The following PDE11A variants were observed in gnomAD, a reference collection of about 807,000 sequenced individuals.
PDE11A encodes dual 3',5'-cyclic-AMP and -GMP phosphodiesterase 11A.
PDE11A carries 100 observed loss-of-function variants against 100.5 expected under a neutral mutation model. The ratio of observed to expected loss-of-function variants is 1.00; its 90% CI spans 0.85 to 1.18. PDE11A has a LOEUF of 1.18. Ranked by LOEUF, PDE11A falls within the 50% of genes most tolerant of loss-of-function variation. PDE11A has a pLI of 0.00. For synonymous variants in PDE11A, 381 were observed against 420.8 expected, an observed-to-expected ratio of 0.91 and a Z score of 1.16; for missense variants, 1,141 against 1,152.6, an observed-to-expected ratio of 0.99 and a Z score of 0.15.
chr2:177,982,153 T>C (rs2085891189), intron 2 of PDE11A, among the ~76,000 whole-genome samples: 1 of 150,720 alleles, frequency 6.6e-6, no homozygotes, highest in African/African-American at 2.4e-5. Flanking sequence ...ATAAATTACA[T>C]ACTTACTAAT....
chr2:178,029,837 C>T (rs1326584806), intron 1 of PDE11A, among the ~76,000 whole-genome samples: 1 of 152,110 alleles, frequency 6.6e-6, no homozygotes, highest in Non-Finnish European at 1.5e-5. Flanking sequence ...AGGGCTCTGC[C>T]CTCATGAATA....
chr2:177,790,492 G>A (rs1279593359), intron 9 of PDE11A, among the ~76,000 whole-genome samples: 2 of 151,750 alleles, frequency 1.3e-5, no homozygotes, highest in Non-Finnish European at 2.9e-5. Context: ...AGGACTTCAT[G>A]TCCAAAACAC....
intron 2 of PDE11A, among the ~76,000 whole-genome samples, chr2:177,927,902 C>T (rs981883232): frequency 2.6e-5 from 4 of 151,844 alleles, no homozygotes; most frequent in Admixed American, 6.6e-5. Context: ...GTTGGGACTT[C>T]GAGATCAGCC....
chr2:178,094,309 G>A (rs1006917454), intron 2 of PDE11A, among the ~76,000 whole-genome samples: 5 of 151,788 alleles, frequency 3.3e-5, no homozygotes, highest in South Asian at 2.1e-4. Flanking sequence ...CGGGTGGATC[G>A]CTTGAGCTCA....
chr2:178,104,380 G>C, exon 2 of PDE11A: 2 of 1,613,990 alleles, frequency 1.2e-6, no homozygotes, highest in African/African-American at 1.3e-5. Context: ...CAGAGATTTG[G>C]ACCAGTCTTG....
chr2:177,683,322 T>C (rs575237961), intron 15 of PDE11A: 2 of 152,426 alleles, frequency 1.3e-5, no homozygotes, highest in East Asian at 3.9e-4. Context: ...ATAACCCAAT[T>C]ACACAGAAGG....
At chr2:177,747,131 A>C (rs542006387) in intron 10 of PDE11A, among the ~76,000 whole-genome samples, 1 of 152,300 alleles carries the variant, frequency 6.6e-6, no homozygotes, top group South Asian at 2.1e-4. Context: ...AGTCCTGGGG[A>C]AACACTGACC....
Position 177,795,934 on chromosome 2 carries a change from A to AATAT in PDE11A, c.1737+20894_1737+20895insATAT, listed in dbSNP as rs1558942848. Among the ~76,000 whole-genome samples, 38 of 35,376 alleles carry AATAT rather than the reference A, an allele frequency of 1.1e-3. No homozygotes were observed. The East Asian group carries it at 0.014, about 13-fold the overall frequency. The allele number at this position is 35,376 out of a possible 152,430, so 23.2% of individuals were successfully genotyped here. On this transcript the variant is annotated intron_variant, in intron 9 of 19. Coordinates refer to ENST00000286063, the MANE Select transcript of PDE11A (RefSeq NM_016953.4). ...TAATTATTACTATTATTTTGTTTAA[A>AATAT]CTATATATATATATATATATATATA...
At chr2:177,820,140 A>G (rs2083113721) in intron 7 of PDE11A, 80 bp downstream of exon 7, 2 of 779,890 alleles carry the variant, frequency 2.6e-6, no homozygotes, top group Non-Finnish European at 4.5e-6. Flanking sequence ...GAGGGAACAC[A>G]TAAAAAAGAT....
intron 2 of PDE11A, among the ~76,000 whole-genome samples, chr2:177,945,252 A>C (rs1234601858): frequency 6.6e-6 from 1 of 150,646 alleles, no homozygotes; most frequent in Non-Finnish European, 1.5e-5. Context: ...CCCGTCTGGG[A>C]AGTGAGGAGT....
chr2:177,910,416 CTCTCTCTCTCTCTA>C (rs1324009622), intron 2 of PDE11A, among the ~76,000 whole-genome samples: 10 of 82,322 alleles, frequency 1.2e-4, no homozygotes, highest in African/African-American at 7.0e-4. Context: ...CTCTCTGTCT[CTCTCTCTCTCTCTA>C]TATATATATA....
chr2:177,634,386 C>CTTTTTT lies in PDE11A; in HGVS notation c.2647-4825_2647-4824insAAAAAA, dbSNP rs758752342. Among the ~76,000 whole-genome samples, 4 of 59,384 alleles carry CTTTTTT rather than the reference C, an allele frequency of 6.7e-5. 2 individuals are homozygous for CTTTTTT. The highest frequency in any genetic ancestry group is 7.3e-5 in the Non-Finnish European group (2 of 27,392). 39.0% of individuals were successfully genotyped at this position (59,384 alleles called of 152,430 possible). ...TATCTTGAAAACTTACTTTTTCTCT[C>CTTTTTT]TCTCTTTTTTTTTTTTTTGTGAGAA... On this transcript the variant is annotated intron_variant, in intron 19 of 19. Coordinates refer to ENST00000286063, the MANE Select transcript of PDE11A (RefSeq NM_016953.4).
rs991870656 is a variant in PDE11A, at chr2:178,006,665, C to G, written c.1071+7637G>C. ...AAGTTTATTTATAGCCCTGAAAGAA[C>G]AAAATTATTGAACAAAGTCATAAAA... is the stretch of plus-strand genomic sequence containing the variant. On this transcript the variant is annotated intron_variant, in intron 2 of 19. Transcript: ENST00000286063. 7.9e-5 allele frequency among the ~76,000 whole-genome samples: 12 copies of G among 151,230 alleles called. No individual in the cohort carries two copies. The East Asian group carries it at 2.2e-3, about 27-fold the overall frequency.
intron 19 of PDE11A, among the ~76,000 whole-genome samples, chr2:177,639,299 G>A (rs930130177): frequency 2.6e-5 from 4 of 152,164 alleles, no homozygotes; most frequent in East Asian, 1.9e-4. Flanking sequence ...GTTTTGGCCC[G>A]TTACTCAACC....
chr2:178,102,259 T>A (rs1346301537), intron 2 of PDE11A, among the ~76,000 whole-genome samples: 2 of 152,040 alleles, frequency 1.3e-5, no homozygotes, highest in African/African-American at 4.8e-5. Context: ...CCCAAGTAGC[T>A]GGGACTGCAA....
At chr2:177,729,409 A>T (rs751500610) in intron 10 of PDE11A, among the ~76,000 whole-genome samples, 48 of 152,184 alleles carry the variant, frequency 3.2e-4, no homozygotes, top group Non-Finnish European at 6.3e-4. Context: ...TTCCTTCACC[A>T]TAATTGTGGG....
chr2:177,948,870 A>G (rs2085474504), intron 2 of PDE11A, among the ~76,000 whole-genome samples: 1 of 152,244 alleles, frequency 6.6e-6, no homozygotes, highest in East Asian at 1.9e-4. Context: ...TGATTGCAAC[A>G]TTGCATTCCA....
chr2:177,773,008 T>A (rs575372191), intron 9 of PDE11A, among the ~76,000 whole-genome samples: 1 of 152,304 alleles, frequency 6.6e-6, no homozygotes, highest in Admixed American at 6.5e-5. Context: ...TTTAAATTGC[T>A]ATCGTTTCAC....
At chr2:177,782,960 C>T (rs2082475097) in intron 9 of PDE11A, among the ~76,000 whole-genome samples, 1 of 151,848 alleles carries the variant, frequency 6.6e-6, no homozygotes, top group African/African-American at 2.4e-5. Context: ...CAAGCACCCT[C>T]TCATGAAGTA....
Sources: gnomAD v4.1 joint callset for allele counts (sites outside exome capture counted in the v4.1 genomes callset) on GRCh38, gnomAD v4.1.1 for gene constraint, MANE v1.5 for transcripts, NCBI Gene and HGNC (gene_info 2026-07-23, HGNC 2026-07-21) for gene names.